The following BAG2 variants were observed in gnomAD, a reference collection of about 807,000 sequenced individuals.
BAG2 encodes BAG family molecular chaperone regulator 2.
A neutral mutation model predicts 16.4 loss-of-function variants in BAG2; 8 were observed. The observed-to-expected ratio is 0.49, with a 90% CI of 0.29 to 0.88. BAG2 has a LOEUF of 0.88. BAG2 is among the 40% of genes least tolerant of loss of function. The pLI, the probability that BAG2 is intolerant of heterozygous loss-of-function variation, is 0.09. For synonymous variants in BAG2, 82 were observed against 89.2 expected (o/e 0.92, Z 0.46); for missense variants, 218 against 248.9 (o/e 0.88, Z 0.84).
chr6:57,176,012 T>G (rs1764274734), intron 1 of BAG2, among the ~76,000 whole-genome samples: 1 of 152,102 alleles, frequency 6.6e-6, no homozygotes, highest in Non-Finnish European at 1.5e-5. Context: ...TCTCCAGGTG[T>G]AGGGAGTGTT....
intron 1 of BAG2, among the ~76,000 whole-genome samples, chr6:57,174,846 AC>A (rs1240752342): frequency 6.6e-6 from 1 of 152,210 alleles, no homozygotes; most frequent in Non-Finnish European, 1.5e-5. Flanking sequence ...GATTTTGTTG[AC>A]TAATAAAGTA....
At chr6:57,175,327 G>A (rs1257576071) in intron 1 of BAG2, among the ~76,000 whole-genome samples, 1 of 152,042 alleles carries the variant, frequency 6.6e-6, no homozygotes, top group Non-Finnish European at 1.5e-5. Flanking sequence ...CCTTGTTACA[G>A]TCTTATGTTA....
Position 57,182,108 on chromosome 6 carries a change from C to T in BAG2, c.190C>T (p.Gln64Ter). ...CCTTCTGGAAATGATCCACAGTATC[C>T]AAAATAGCCAGGACATGAGGCAGAT... ...EILLEMIHSI[Q>*]NSQDMRQISD... is the part of the protein sequence containing the mutation. Residue 64 changes from glutamine (Q) to a stop codon, truncating the protein, a stop_gained, in exon 2 of 3, where the codon CAA becomes TAA. Coordinates refer to ENST00000370693, the MANE Select transcript of BAG2 (RefSeq NM_004282.4). LOFTEE classifies it high-confidence loss of function. 1 of 1,614,022 alleles carries T rather than the reference C, an allele frequency of 6.2e-7. No homozygotes were observed. Among genetic ancestry groups the T allele is most frequent in the South Asian group, 1.1e-5 (1 of 91,064 alleles).
chr6:57,184,267 CTT>C lies in BAG2; in HGVS notation c.*79_*80del. ...ATACTATTTTAATTGATAACTAGTT[CTT>C]TGTTAGGTATAACCACTTAGTTGAC... On this transcript the variant is annotated 3_prime_UTR_variant, in exon 3 of 3. Coordinates refer to ENST00000370693, the MANE Select transcript of BAG2 (RefSeq NM_004282.4). 3.8e-6 allele frequency: 5 copies of C among 1,311,130 alleles called. No individual in the cohort carries two copies. Among genetic ancestry groups the C allele is most frequent in the Non-Finnish European group, 4.9e-6 (5 of 1,012,134 alleles). 81.2% of individuals were successfully genotyped at this position (1,311,130 alleles called of 1,614,324 possible).
rs983339694 is a variant in BAG2, at chr6:57,186,445, T to A, written c.*2255T>A. 1 of 152,498 alleles carries A rather than the reference T, an allele frequency of 6.6e-6. No homozygotes were observed. Among genetic ancestry groups the A allele is most frequent in the Admixed American group, 6.5e-5 (1 of 15,268 alleles). 9.4% of individuals were successfully genotyped at this position (152,498 alleles called of 1,614,324 possible). On this transcript the variant is annotated 3_prime_UTR_variant, in exon 3 of 3. Coordinates refer to ENST00000370693, the MANE Select transcript of BAG2 (RefSeq NM_004282.4). ...GATTCTCCTGCCTCAGCCTCCCTAG[T>A]AGTTGGGACTACAGGCGCCCACCAC...
At position 57,189,177 on chromosome 6, in the gene BAG2, T is replaced by C. The variant is rs1439127425; in HGVS notation, c.*4987T>C. The C allele has an allele frequency of 6.6e-6, 1 of 152,208 alleles. No homozygotes were observed. Among genetic ancestry groups the C allele is most frequent in the African/African-American group, 2.4e-5 (1 of 41,444 alleles). 9.4% of individuals were successfully genotyped at this position (152,208 alleles called of 1,614,324 possible). ...CAAAATTTATGTCCTGACACATGAT[T>C]ACATATTAAATCATTTTGTAAAAGA... On this transcript the variant is annotated 3_prime_UTR_variant, in exon 3 of 3. Transcript: ENST00000370693.
At chr6:57,178,283 A>C (rs544159729) in intron 1 of BAG2, among the ~76,000 whole-genome samples, 1 of 152,356 alleles carries the variant, frequency 6.6e-6, no homozygotes, top group East Asian at 1.9e-4. Context: ...CTAATGGAAA[A>C]ATTGTAGACA....
At chr6:57,181,937 C>A in intron 1 of BAG2, 95 bp from the exon 2 acceptor site, 1 of 1,089,592 alleles carries the variant, frequency 9.2e-7, no homozygotes, top group Non-Finnish European at 1.3e-6. Flanking sequence ...GTTTGGTGAT[C>A]TTTAAACTTG....
intron 1 of BAG2, chr6:57,173,377 G>A (rs896544265): frequency 7.1e-6 from 7 of 985,218 alleles, no homozygotes; most frequent in African/African-American, 3.5e-5. Context: ...GTAAGTTACC[G>A]GGTGCTTCGT....
rs556827948 is a variant in BAG2 at position 57,185,142 on chromosome 6, T to TA, written c.*955dup. 1.3e-3 allele frequency: 200 copies of TA among 152,298 alleles called. 1 individual carries two copies. Among genetic ancestry groups the TA allele is most frequent in the African/African-American group, 4.7e-3 (195 of 41,566 alleles). 9.4% of individuals were successfully genotyped at this position (152,298 alleles called of 1,614,324 possible). ...GACGTTTTCATGGCCTCACACATATTAAACTTTTTTTGTATAAAGGTTACA... is the reference window on the plus strand; with the variant it reads ...GACGTTTTCATGGCCTCACACATATTAAAACTTTTTTTGTATAAAGGTTACA... On this transcript the variant is annotated 3_prime_UTR_variant, in exon 3 of 3. Transcript: ENST00000370693.
chr6:57,180,284 T>C (rs1764400508), intron 1 of BAG2, among the ~76,000 whole-genome samples: 1 of 152,218 alleles, frequency 6.6e-6, no homozygotes, highest in South Asian at 2.1e-4. Flanking sequence ...AGATGTCTAA[T>C]TTCTCTTGTT....
At position 57,187,076 on chromosome 6, in the gene BAG2, C is replaced by T. The variant is rs1764630206; in HGVS notation, c.*2886C>T. On this transcript the variant is annotated 3_prime_UTR_variant, in exon 3 of 3. Coordinates refer to ENST00000370693, the MANE Select transcript of BAG2 (RefSeq NM_004282.4). ...TAGAGTAGTGTTTTAAATTAAGCTCCAGAGTGTAACTGCAACCAAATAGCA... is the reference window on the plus strand; with the variant it reads ...TAGAGTAGTGTTTTAAATTAAGCTCTAGAGTGTAACTGCAACCAAATAGCA... 6.6e-6 allele frequency: 1 copy of T among 152,066 alleles called. No homozygotes were observed. Among genetic ancestry groups the T allele is most frequent in the Admixed American group, 6.5e-5 (1 of 15,274 alleles). 9.4% of individuals were successfully genotyped at this position (152,066 alleles called of 1,614,324 possible). A position where few individuals can be genotyped will look rare whatever the true frequency, so the allele number is the denominator to read the frequency against.
Position 57,186,237 on chromosome 6 carries a change from G to A in BAG2, c.*2047G>A, listed in dbSNP as rs922350239. On this transcript the variant is annotated 3_prime_UTR_variant, in exon 3 of 3. Transcript: ENST00000370693. ...TAGGGAAAAGAGACTGTGAAGGGAA[G>A]AGAACAAACATTTTGTAGACGTTTG... is the stretch of plus-strand genomic sequence containing the variant. 1.3e-5 allele frequency: 2 copies of A among 152,254 alleles called. No homozygotes were observed. The highest frequency in any genetic ancestry group is 4.8e-5 in the African/African-American group (2 of 41,454). The allele number at this position is 152,254 out of a possible 1,614,324, so 9.4% of individuals were successfully genotyped here.
At position 57,186,576 on chromosome 6, in the gene BAG2, A is replaced by G. The variant is rs1017257048; in HGVS notation, c.*2386A>G. 6.6e-6 allele frequency: 1 copy of G among 152,238 alleles called. No homozygotes were observed. Among genetic ancestry groups the G allele is most frequent in the Non-Finnish European group, 1.5e-5 (1 of 68,066 alleles). 9.4% of individuals were successfully genotyped at this position (152,238 alleles called of 1,614,324 possible). A position where few individuals can be genotyped will look rare whatever the true frequency, so the allele number is the denominator to read the frequency against. ...TGTGATCTGCCTGCCTTGGCCTCCC[A>G]AAGTACAGGGATTACAGGCATGAGC... On this transcript the variant is annotated 3_prime_UTR_variant, in exon 3 of 3. Coordinates refer to ENST00000370693, the MANE Select transcript of BAG2 (RefSeq NM_004282.4).
Position 57,183,782 on chromosome 6 carries a change from A to C in BAG2, c.228A>C (p.Glu76Asp). 5 of 1,558,572 alleles carry C rather than the reference A, an allele frequency of 3.2e-6. No individual in the cohort carries two copies. The highest frequency in any genetic ancestry group is 4.3e-6 in the Non-Finnish European group (5 of 1,153,594). ...ACATCTCATATTGATTTTTAGGAGA[A>C]AGAGAAGAATTAAATCTGACTGCAA... Reference protein sequence around the residue: ...SQDMRQISDGEREELNLTANR... With the variant: ...SQDMRQISDGDREELNLTANR... The change falls in exon 3 of 3, where the codon GAA becomes GAC. Residue 76 changes from glutamate to aspartate, a missense_variant. Glu to Asp is a conservative substitution (Grantham distance 45). Coordinates refer to ENST00000370693, the MANE Select transcript of BAG2 (RefSeq NM_004282.4).
rs777608616 is a variant in BAG2 at position 57,172,716 on chromosome 6, A to G, written c.19A>G (p.Asn7Asp). MAQAKI[N>D]AKANEGRFCR... ...GGCTTAGATGGCTCAGGCGAAGATC[A>G]ACGCTAAAGCCAACGAGGGGCGCTT... Residue 7 changes from asparagine (N) to aspartate (D), a missense_variant, in exon 1 of 3, where the codon AAC becomes GAC. By Grantham distance (23) the Asn-to-Asp change is conservative. Transcript: ENST00000370693. The G allele has an allele frequency of 6.4e-7, 1 of 1,574,618 alleles. No homozygotes were observed.
chr6:57,172,943 G>A (rs1764168064), intron 1 of BAG2, 133 bp downstream of exon 1: 1 of 797,434 alleles, frequency 1.3e-6, no homozygotes, highest in Non-Finnish European at 1.8e-6. Context: ...GAAGTTGCTT[G>A]TTGAGATTTG....
chr6:57,180,759 G>C (rs1272459522), intron 1 of BAG2, among the ~76,000 whole-genome samples: 4 of 147,824 alleles, frequency 2.7e-5, no homozygotes, highest in Non-Finnish European at 4.5e-5. Flanking sequence ...AAAAGCATAC[G>C]CCATAAGGCA....
At position 57,189,082 on chromosome 6, in the gene BAG2, T is replaced by C. The variant is rs1035085365; in HGVS notation, c.*4892T>C. The C allele has an allele frequency of 2.0e-5, 3 of 152,304 alleles. No individual in the cohort carries two copies. The highest frequency in any genetic ancestry group is 7.2e-5 in the African/African-American group (3 of 41,576). The allele number at this position is 152,304 out of a possible 1,614,324, so 9.4% of individuals were successfully genotyped here. Reference sequence around the variant, plus strand: ...ATTTATAGGTTAAAAATAAAGCCATTGATGAGTGATAATCAGTTTTAACAG... The same window carrying C: ...ATTTATAGGTTAAAAATAAAGCCATCGATGAGTGATAATCAGTTTTAACAG... On this transcript the variant is annotated 3_prime_UTR_variant, in exon 3 of 3. Coordinates refer to ENST00000370693, the MANE Select transcript of BAG2 (RefSeq NM_004282.4).
Sources: allele counts gnomAD v4.1 joint callset (sites outside exome capture counted in the v4.1 genomes callset), GRCh38; gene constraint gnomAD v4.1.1; transcripts MANE v1.5; gene names NCBI Gene and HGNC (gene_info 2026-07-23, HGNC 2026-07-21).